The following RHOJ variants were observed in gnomAD, a reference collection of about 807,000 sequenced individuals.
The protein encoded by RHOJ is ras homolog family member J.
Under a neutral mutation model 23.4 loss-of-function variants are expected in RHOJ, and 11 were observed. The observed-to-expected ratio is 0.47, with a 90% confidence interval of 0.30 to 0.78. The LOEUF (loss-of-function observed/expected upper bound fraction) is 0.78. Ranked by LOEUF, RHOJ falls within the 30% of genes least tolerant of loss-of-function variation. The pLI is 0.08. For missense variants in RHOJ, 254 were observed against 273.4 expected, an observed-to-expected ratio of 0.93 and a Z score of 0.50; for synonymous variants, 102 against 102.7, an observed-to-expected ratio of 0.99 and a Z score of 0.04.
At chr14:63,274,426 T>C (rs953237086) in intron 2 of RHOJ, among the ~76,000 whole-genome samples, 2 of 152,164 alleles carry the variant, frequency 1.3e-5, no homozygotes, top group African/African-American at 2.4e-5. Flanking sequence ...CCCCAAATTA[T>C]GAAAAAGAGA....
intron 1 of RHOJ, among the ~76,000 whole-genome samples, chr14:63,252,645 A>C (rs901477409): frequency 6.6e-6 from 1 of 152,028 alleles, no homozygotes; most frequent in Non-Finnish European, 1.5e-5. Flanking sequence ...ATTTACTACT[A>C]TCTTTGTTGT....
chr14:63,266,656 G>A (rs1895372475), intron 1 of RHOJ, among the ~76,000 whole-genome samples: 1 of 152,044 alleles, frequency 6.6e-6, no homozygotes, highest in African/African-American at 2.4e-5. Flanking sequence ...TTTTATTTTT[G>A]TGTGGCTATT....
intron 1 of RHOJ, among the ~76,000 whole-genome samples, chr14:63,258,428 A>G (rs1180916694): frequency 1.4e-5 from 2 of 147,072 alleles, no homozygotes; most frequent in Admixed American, 6.6e-5. Flanking sequence ...AGTTTAGCAA[A>G]TAACCCCTTG....
chr14:63,217,331 T>C (rs1178552573), intron 1 of RHOJ, among the ~76,000 whole-genome samples: 1 of 149,892 alleles, frequency 6.7e-6, no homozygotes, highest in East Asian at 2.0e-4. Flanking sequence ...AGTGAGAATA[T>C]GTGGTGTTTG....
chr14:63,217,180 G>A (rs1394188015), intron 1 of RHOJ, among the ~76,000 whole-genome samples: 1 of 150,526 alleles, frequency 6.6e-6, no homozygotes, highest in Non-Finnish European at 1.5e-5. Flanking sequence ...CTGGTGCGCT[G>A]CACCCACTAA....
chr14:63,265,734 G>T (rs1895355900), intron 1 of RHOJ, among the ~76,000 whole-genome samples: 2 of 152,244 alleles, frequency 1.3e-5, no homozygotes, highest in Non-Finnish European at 2.9e-5. Flanking sequence ...GGGGACAGAA[G>T]TTACAGAGAC....
At chr14:63,260,593 AT>A (rs766204561) in intron 1 of RHOJ, among the ~76,000 whole-genome samples, 1 of 152,254 alleles carries the variant, frequency 6.6e-6, no homozygotes, top group Non-Finnish European at 1.5e-5. Flanking sequence ...AATGGAAAAA[AT>A]AAAGTGTTTT....
intron 2 of RHOJ, among the ~76,000 whole-genome samples, chr14:63,279,051 G>T (rs1184270374): frequency 6.6e-6 from 1 of 152,150 alleles, no homozygotes; most frequent in Non-Finnish European, 1.5e-5. Context: ...CTCCCTCTGG[G>T]GAGAGGAAAT....
At chr14:63,242,066 G>T (rs1192251002) in intron 1 of RHOJ, among the ~76,000 whole-genome samples, 5 of 152,132 alleles carry the variant, frequency 3.3e-5, no homozygotes, top group Admixed American at 2.0e-4. Flanking sequence ...ATATCCTTGT[G>T]AATTTGGCAT....
chr14:63,219,153 G>T (rs951236566), intron 1 of RHOJ, among the ~76,000 whole-genome samples: 2 of 152,106 alleles, frequency 1.3e-5, no homozygotes, highest in African/African-American at 4.8e-5. Context: ...TTTATTGGCA[G>T]ACACTTAGCT....
At chr14:63,205,579 T>C (rs904549708) in intron 1 of RHOJ, among the ~76,000 whole-genome samples, 1 of 152,212 alleles carries the variant, frequency 6.6e-6, no homozygotes, top group African/African-American at 2.4e-5. Flanking sequence ...AGGTTGTAGA[T>C]TGGGGGAGAG....
rs1028166139 is a variant in RHOJ, at chr14:63,240,728, C to T, written c.179-28382C>T. ...TCACACAATAGATATTTCATAAATA[C>T]CTATTACCCTTACAGAACAAGTAAC... On this transcript the variant is annotated intron_variant, in intron 1 of 4. Coordinates refer to ENST00000316754, the MANE Select transcript of RHOJ (RefSeq NM_020663.5). Among the ~76,000 whole-genome samples the T allele has an allele frequency of 4.6e-5, 7 of 152,068 alleles. No individual in the cohort carries two copies. In the South Asian group the frequency reaches 1.5e-3, roughly 32 times the overall value.
intron 1 of RHOJ, among the ~76,000 whole-genome samples, chr14:63,235,791 T>C (rs1894778514): frequency 6.6e-6 from 1 of 152,232 alleles, no homozygotes; most frequent in African/African-American, 2.4e-5. Context: ...TCATTCATTA[T>C]TAACTCCAGA....
At chr14:63,268,257 A>T (rs1304661589) in intron 1 of RHOJ, among the ~76,000 whole-genome samples, 3 of 152,186 alleles carry the variant, frequency 2.0e-5, no homozygotes, top group Admixed American at 6.5e-5. Flanking sequence ...CTTTCACGAA[A>T]AGAATTCTAT....
chr14:63,235,907 A>T (rs1894780736), intron 1 of RHOJ, among the ~76,000 whole-genome samples: 1 of 152,214 alleles, frequency 6.6e-6, no homozygotes, highest in African/African-American at 2.4e-5. Flanking sequence ...TCAAAATATA[A>T]GTTTATAGCT....
At position 63,219,340 on chromosome 14, in the gene RHOJ, A is replaced by G. The variant is rs543758399; in HGVS notation, c.178+14293A>G. The stretch of plus-strand genomic sequence containing the variant: ...ACTTCTTTGAAAATGGGGACCAGCA[A>G]CCTTTAAACAAAGTATCTGATAATG... On this transcript the variant is annotated intron_variant, in intron 1 of 4. Coordinates refer to ENST00000316754, the MANE Select transcript of RHOJ (RefSeq NM_020663.5). Among the ~76,000 whole-genome samples the G allele has an allele frequency of 3.9e-5, 6 of 152,206 alleles. 1 individual carries two copies. The highest frequency in any genetic ancestry group is 1.2e-4 in the African/African-American group (5 of 41,516).
intron 1 of RHOJ, among the ~76,000 whole-genome samples, chr14:63,233,969 T>G (rs1041177705): frequency 6.6e-6 from 1 of 152,160 alleles, no homozygotes; most frequent in Non-Finnish European, 1.5e-5. Context: ...TTCAACCATA[T>G]CCCCACCTAC....
At chr14:63,237,406 C>G (rs1894809255) in intron 1 of RHOJ, among the ~76,000 whole-genome samples, 1 of 152,100 alleles carries the variant, frequency 6.6e-6, no homozygotes, top group African/African-American at 2.4e-5. Flanking sequence ...CTCTGCACAA[C>G]ACTTGAAACA....
At chr14:63,209,052 G>A (rs1446183203) in intron 1 of RHOJ, among the ~76,000 whole-genome samples, 3 of 151,920 alleles carry the variant, frequency 2.0e-5, no homozygotes, top group African/African-American at 7.3e-5. Flanking sequence ...TAAACCATTA[G>A]TTATCATCCC....
Sources: allele counts gnomAD v4.1 joint callset (sites outside exome capture counted in the v4.1 genomes callset), GRCh38; gene constraint gnomAD v4.1.1; transcripts MANE v1.5; gene names NCBI Gene and HGNC (gene_info 2026-07-23, HGNC 2026-07-21).